Variants in ZFAND3 observed in about 807,000 individuals in gnomAD.
The protein encoded by ZFAND3 is zinc finger AN1-type containing 3.
Under a neutral mutation model 29.6 loss-of-function variants are expected in ZFAND3, and 10 were observed. That is an observed-to-expected ratio of 0.34 (90% CI 0.21 to 0.57). The LOEUF (loss-of-function observed/expected upper bound fraction) is 0.57. Ranked by LOEUF, ZFAND3 falls within the 20% of genes least tolerant of loss-of-function variation. The probability of loss-of-function intolerance (pLI) is 0.86; values close to 1 mark genes in which losing one functional copy is unlikely to be tolerated. For synonymous variants in ZFAND3, 128 were observed against 112.6 expected, an observed-to-expected ratio of 1.14 and a Z score of -0.87; for missense variants, 230 against 304.5, an observed-to-expected ratio of 0.76 and a Z score of 1.82.
At chr6:37,989,852 A>G (rs996376180) in intron 2 of ZFAND3, among the ~76,000 whole-genome samples, 2 of 152,230 alleles carry the variant, frequency 1.3e-5, no homozygotes, top group African/African-American at 4.8e-5. Context: ...TGCTGTTTCT[A>G]GAAGAAGGTT....
chr6:37,921,247 C>T (rs1247838642), intron 1 of ZFAND3, among the ~76,000 whole-genome samples: 2 of 152,066 alleles, frequency 1.3e-5, no homozygotes, highest in African/African-American at 2.4e-5. Context: ...CAGATTGACT[C>T]CCTTCACTGA....
At chr6:38,069,900 T>C (rs1250757809) in intron 3 of ZFAND3, among the ~76,000 whole-genome samples, 1 of 152,218 alleles carries the variant, frequency 6.6e-6, no homozygotes, top group Non-Finnish European at 1.5e-5. Flanking sequence ...CTGGCTTGCT[T>C]TTCTTTTTCA....
intron 1 of ZFAND3, among the ~76,000 whole-genome samples, chr6:37,843,762 A>C (rs972575116): frequency 6.6e-6 from 1 of 151,962 alleles, no homozygotes; most frequent in Non-Finnish European, 1.5e-5. Flanking sequence ...TTTCTAGCTG[A>C]GACATTGCAT....
chr6:37,884,332 A>G (rs1429096681), intron 1 of ZFAND3, among the ~76,000 whole-genome samples: 2 of 142,898 alleles, frequency 1.4e-5, no homozygotes, highest in Non-Finnish European at 1.5e-5. Flanking sequence ...TATCTTTACT[A>G]AAAAATACAA....
intron 1 of ZFAND3, among the ~76,000 whole-genome samples, chr6:37,862,201 T>C: frequency 6.6e-6 from 1 of 152,280 alleles, no homozygotes; most frequent in Non-Finnish European, 1.5e-5. Context: ...TTTTTAACCA[T>C]ATGTTTACTT....
chr6:37,924,873 T>C (rs1761454286), intron 1 of ZFAND3, among the ~76,000 whole-genome samples: 1 of 151,680 alleles, frequency 6.6e-6, no homozygotes, highest in Admixed American at 6.6e-5. Flanking sequence ...GTGAGGAGGT[T>C]TGAACTAGGA....
At chr6:37,870,877 T>C (rs984710666) in intron 1 of ZFAND3, among the ~76,000 whole-genome samples, 2 of 152,202 alleles carry the variant, frequency 1.3e-5, no homozygotes, top group Non-Finnish European at 2.9e-5. Context: ...TGTTTTCTTA[T>C]ATGATTTGTC....
At chr6:37,947,428 T>C (rs1322305091) in intron 2 of ZFAND3, among the ~76,000 whole-genome samples, 1 of 152,190 alleles carries the variant, frequency 6.6e-6, no homozygotes, top group Non-Finnish European at 1.5e-5. Context: ...ACCTGAAATA[T>C]TAGTTTCCTC....
At chr6:37,986,902 C>G (rs563033907) in intron 2 of ZFAND3, among the ~76,000 whole-genome samples, 8 of 152,162 alleles carry the variant, frequency 5.3e-5, no homozygotes, top group African/African-American at 1.9e-4. Flanking sequence ...AAAAAAAAAT[C>G]TAGAATGTTT....
chr6:38,117,037 ACTC>A (rs1001170216), intron 5 of ZFAND3, among the ~76,000 whole-genome samples: 13 of 152,002 alleles, frequency 8.6e-5, no homozygotes, highest in Admixed American at 6.6e-4. Context: ...ACCACTTACT[ACTC>A]TGGTTTCTTC....
At chr6:38,137,481 C>CT (rs1405764705) in intron 5 of ZFAND3, among the ~76,000 whole-genome samples, 1 of 152,186 alleles carries the variant, frequency 6.6e-6, no homozygotes, top group East Asian at 1.9e-4. Flanking sequence ...AATGCTGACT[C>CT]TATTTATTTA....
chr6:38,093,226 A>G (rs1019005619), intron 4 of ZFAND3, among the ~76,000 whole-genome samples: 1 of 152,232 alleles, frequency 6.6e-6, no homozygotes, highest in Non-Finnish European at 1.5e-5. Context: ...GGAATAGAGA[A>G]AGAGAGATAA....
At chr6:38,138,766 C>T (rs1765891898) in intron 5 of ZFAND3, among the ~76,000 whole-genome samples, 1 of 152,188 alleles carries the variant, frequency 6.6e-6, no homozygotes, top group Non-Finnish European at 1.5e-5. Context: ...TTGCCACTCA[C>T]ACTGAGGCAG....
intron 1 of ZFAND3, among the ~76,000 whole-genome samples, chr6:37,821,483 ATC>A (rs1277486135): frequency 2.0e-5 from 3 of 152,130 alleles, no homozygotes; most frequent in African/African-American, 7.2e-5. Flanking sequence ...AGGAACCATT[ATC>A]TCATTATTAG....
chr6:37,820,917 TA>T (rs1763654935), intron 1 of ZFAND3, among the ~76,000 whole-genome samples: 6 of 152,358 alleles, frequency 3.9e-5, no homozygotes, highest in South Asian at 2.1e-4. Context: ...GATTGCCACC[TA>T]ACAGGTGCCT....
chr6:37,997,602 G>A lies in ZFAND3; in HGVS notation c.113-63991G>A, dbSNP rs1486359350. ...TGCAAGGAGGGAGGGATAGCTGTTG[G>A]GGTAAGCTTGGGAGCACTGTGAAGC... On this transcript the variant is annotated intron_variant, in intron 2 of 5. Coordinates refer to ENST00000287218, the MANE Select transcript of ZFAND3 (RefSeq NM_021943.3). Among the ~76,000 whole-genome samples the A allele has an allele frequency of 4.6e-5, 7 of 152,296 alleles. No homozygotes were observed. In the East Asian group the frequency reaches 1.3e-3, roughly 29 times the overall value.
At chr6:37,961,334 A>G (rs985199095) in intron 2 of ZFAND3, among the ~76,000 whole-genome samples, 3 of 152,238 alleles carry the variant, frequency 2.0e-5, no homozygotes, top group African/African-American at 7.2e-5. Context: ...CTCAGCCACA[A>G]TGCAATAGAA....
chr6:37,895,146 C>A lies in ZFAND3; in HGVS notation c.72-34813C>A, dbSNP rs138942618. The stretch of plus-strand genomic sequence containing the variant: ...GACTTCAGTTATACATATATTAAGC[C>A]TTTTAAAGTTTCCTCACTCATAGAT... On this transcript the variant is annotated intron_variant, in intron 1 of 5. Coordinates refer to ENST00000287218, the MANE Select transcript of ZFAND3 (RefSeq NM_021943.3). 5.9e-5 allele frequency among the ~76,000 whole-genome samples: 9 copies of A among 152,116 alleles called. No individual in the cohort carries two copies. In the East Asian group the frequency reaches 1.7e-3, roughly 29 times the overall value.
chr6:37,883,436 A>G (rs1304265060), intron 1 of ZFAND3, among the ~76,000 whole-genome samples: 2 of 148,416 alleles, frequency 1.3e-5, no homozygotes, highest in Admixed American at 6.6e-5. Context: ...TGTTGAACGT[A>G]TAGAAAGTAC....
Sources: allele counts gnomAD v4.1 joint callset (sites outside exome capture counted in the v4.1 genomes callset), GRCh38; gene constraint gnomAD v4.1.1; transcripts MANE v1.5; gene names NCBI Gene and HGNC (gene_info 2026-07-23, HGNC 2026-07-21).